The following GOLM2 variants were observed in gnomAD, a reference collection of about 807,000 sequenced individuals.
GOLM2 encodes golgi membrane protein 2.
In GOLM2, 26 loss-of-function variants were observed where a neutral mutation model predicts 55.9. That is an observed-to-expected ratio of 0.47 (90% confidence interval 0.34 to 0.65). The LOEUF (loss-of-function observed/expected upper bound fraction) is 0.65, where lower values mean the gene tolerates loss of function less well. Ranked by LOEUF, GOLM2 falls within the 30% of genes least tolerant of loss-of-function variation. The pLI is 0.01. For synonymous variants in GOLM2, 165 were observed against 194.6 expected, an observed-to-expected ratio of 0.85 and a Z score of 1.27; for missense variants, 486 against 531.8, an observed-to-expected ratio of 0.91 and a Z score of 0.85.
At position 44,312,963 on chromosome 15, in the gene GOLM2, C is replaced by T. The variant is rs190855261; in HGVS notation, c.328-10002C>T. Among the ~76,000 whole-genome samples the T allele has an allele frequency of 2.4e-3, 372 of 152,230 alleles. 3 individuals are homozygous for T. The highest frequency in any genetic ancestry group is 8.7e-3 in the African/African-American group (360 of 41,546). On this transcript the variant is annotated intron_variant, in intron 1 of 9. Transcript: ENST00000299957. ...GCGTGGTGGCGTGCTCCTGTAATCCCAGCTACTTGGGAGGCCGAGACAGGA... is the reference window on the plus strand; with the variant it reads ...GCGTGGTGGCGTGCTCCTGTAATCCTAGCTACTTGGGAGGCCGAGACAGGA...
chr15:44,363,522 G>A (rs1054191794), intron 6 of GOLM2, among the ~76,000 whole-genome samples: 7 of 152,178 alleles, frequency 4.6e-5, no homozygotes, highest in East Asian at 3.8e-4. Flanking sequence ...TAGAATGGCA[G>A]TCATTAAGAA....
rs143462161 is a variant in GOLM2 at position 44,311,658 on chromosome 15, G to A, written c.328-11307G>A. Among the ~76,000 whole-genome samples the A allele has an allele frequency of 7.4e-3, 1,119 of 152,108 alleles. 12 individuals carry two copies. Among genetic ancestry groups the A allele is most frequent in the African/African-American group, 0.026 (1,070 of 41,466 alleles). On this transcript the variant is annotated intron_variant, in intron 1 of 9. Transcript: ENST00000299957. ...ACCTAATATAGGATTGCTTTTGTGT[G>A]TGTGTGTGTGTGATGGAGTCTCTCC... is the stretch of plus-strand genomic sequence containing the variant.
At chr15:44,340,152 T>G (rs1398455172) in intron 6 of GOLM2, among the ~76,000 whole-genome samples, 1 of 152,126 alleles carries the variant, frequency 6.6e-6, no homozygotes, top group Non-Finnish European at 1.5e-5. Flanking sequence ...AGAGACAAGG[T>G]CTCACCATGT....
At chr15:44,367,284 T>G (rs182397027) in intron 6 of GOLM2, among the ~76,000 whole-genome samples, 280 of 152,020 alleles carry the variant, frequency 1.8e-3, no homozygotes, top group Middle Eastern at 0.01. Context: ...GACACAAATT[T>G]GAATCCTTCC....
chr15:44,369,001 G>A (rs2079305237), intron 6 of GOLM2, among the ~76,000 whole-genome samples: 1 of 139,446 alleles, frequency 7.2e-6, no homozygotes, highest in African/African-American at 2.6e-5. Flanking sequence ...ATTACTGGAG[G>A]AGCCTGCGTT....
chr15:44,316,879 G>A (rs762211966), intron 1 of GOLM2, among the ~76,000 whole-genome samples: 1 of 152,036 alleles, frequency 6.6e-6, no homozygotes, highest in Admixed American at 6.6e-5. Context: ...CCAGCTACTC[G>A]GGAGGCTAAG....
intron 6 of GOLM2, among the ~76,000 whole-genome samples, chr15:44,340,047 C>T (rs1173365070): frequency 6.6e-6 from 1 of 152,100 alleles, no homozygotes; most frequent in African/African-American, 2.4e-5. Flanking sequence ...GTCTCGAACT[C>T]CTAGCCTTAA....
Position 44,399,657 on chromosome 15 carries a change from G to C in GOLM2, c.1073-3230G>C, listed in dbSNP as rs2079551900. 3.3e-5 allele frequency among the ~76,000 whole-genome samples: 5 copies of C among 152,058 alleles called. 1 individual carries two copies. Among genetic ancestry groups the C allele is most frequent in the Admixed American group, 3.3e-4 (5 of 15,266 alleles). On this transcript the variant is annotated intron_variant, in intron 8 of 9. Coordinates refer to ENST00000299957, the MANE Select transcript of GOLM2 (RefSeq NM_138423.4). ...AATGATATATATTTTTTAGTACCTT[G>C]TCTTAGCCTAATGTTTTGAGTCTTC...
chr15:44,342,345 G>C (rs2079095711), intron 6 of GOLM2, among the ~76,000 whole-genome samples: 1 of 152,014 alleles, frequency 6.6e-6, no homozygotes, highest in South Asian at 2.1e-4. Context: ...GCTCACTGCA[G>C]CCTTGACCTC....
At chr15:44,367,830 C>T (rs1469888925) in intron 6 of GOLM2, among the ~76,000 whole-genome samples, 1 of 150,508 alleles carries the variant, frequency 6.6e-6, no homozygotes, top group Non-Finnish European at 1.5e-5. Context: ...TGTCTTCTGG[C>T]CTTCATTGTT....
chr15:44,368,072 T>C (rs184123133), intron 6 of GOLM2, among the ~76,000 whole-genome samples: 1 of 152,248 alleles, frequency 6.6e-6, no homozygotes, highest in Admixed American at 6.5e-5. Context: ...AGATCAAATA[T>C]GCAAATTTTA....
At chr15:44,318,708 CAAA>C (rs932864980) in intron 1 of GOLM2, among the ~76,000 whole-genome samples, 5 of 94,898 alleles carry the variant, frequency 5.3e-5, no homozygotes, top group Admixed American at 1.2e-4. Context: ...CACTCTGTCT[CAAA>C]AAAAAAAAAA....
chr15:44,298,303 G>A (rs142867576), intron 1 of GOLM2, among the ~76,000 whole-genome samples: 2,560 of 137,920 alleles, frequency 0.019, 67 homozygotes, highest in South Asian at 0.13. Context: ...TGCTCTTGTC[G>A]CCCAGGTTGG....
Position 44,395,358 on chromosome 15 carries a change from C to T in GOLM2, c.1073-7529C>T, listed in dbSNP as rs565306573. On this transcript the variant is annotated intron_variant, in intron 8 of 9. Coordinates refer to ENST00000299957, the MANE Select transcript of GOLM2 (RefSeq NM_138423.4). Reference sequence around the variant, plus strand: ...TAGTTGAGAAATTGAAACCCGTAAACGAACATCAGACTAATGCAGCAAAAG... The same window carrying T: ...TAGTTGAGAAATTGAAACCCGTAAATGAACATCAGACTAATGCAGCAAAAG... 1.1e-4 allele frequency among the ~76,000 whole-genome samples: 17 copies of T among 151,936 alleles called. No homozygotes were observed. In the East Asian group the frequency reaches 1.5e-3, roughly 14 times the overall value.
intron 6 of GOLM2, among the ~76,000 whole-genome samples, chr15:44,369,723 C>T (rs867884906): frequency 1.1e-4 from 15 of 140,622 alleles, no homozygotes; most frequent in South Asian, 7.0e-4. Flanking sequence ...CACACACACA[C>T]ATATATATAT....
intron 6 of GOLM2, among the ~76,000 whole-genome samples, chr15:44,374,001 T>C (rs1299721200): frequency 6.6e-6 from 1 of 152,084 alleles, no homozygotes; most frequent in East Asian, 1.9e-4. Context: ...CTTGGGAGGC[T>C]GAGGCACAAG....
chr15:44,339,539 A>G (rs2079077771), intron 6 of GOLM2, among the ~76,000 whole-genome samples: 1 of 151,864 alleles, frequency 6.6e-6, no homozygotes, highest in African/African-American at 2.4e-5. Context: ...AGGTTTCACC[A>G]TGTTGGCCAG....
chr15:44,301,068 C>T (rs900011182), intron 1 of GOLM2, among the ~76,000 whole-genome samples: 1 of 152,162 alleles, frequency 6.6e-6, no homozygotes, highest in African/African-American at 2.4e-5. Context: ...TTTCCTTTTA[C>T]AATTTCAATT....
intron 1 of GOLM2, among the ~76,000 whole-genome samples, chr15:44,293,359 ATATCT>A (rs1046671787): frequency 6.6e-6 from 1 of 152,222 alleles, no homozygotes; most frequent in African/African-American, 2.4e-5. Context: ...ACCAGTATTG[ATATCT>A]TATTATGAAA....
Sources: gnomAD v4.1 joint callset for allele counts (sites outside exome capture counted in the v4.1 genomes callset) on GRCh38, gnomAD v4.1.1 for gene constraint, MANE v1.5 for transcripts, NCBI Gene and HGNC (gene_info 2026-07-23, HGNC 2026-07-21) for gene names.